The following POFUT3 variants were observed in gnomAD, a reference collection of about 807,000 sequenced individuals.
POFUT3 encodes the protein GDP-fucose protein O-fucosyltransferase 3.
At chr8:33,328,195 G>A in the POFUT3 span, among the ~76,000 whole-genome samples, 1 of 152,226 alleles carries the variant, frequency 6.6e-6, no homozygotes, top group South Asian at 2.1e-4. Flanking sequence ...TGTCCGAGGA[G>A]GGGTGACTCC....
the POFUT3 span, among the ~76,000 whole-genome samples, chr8:33,424,817 G>A: frequency 0.068 from 10,274 of 152,114 alleles, 505 homozygotes; most frequent in East Asian, 0.16. Flanking sequence ...TCGCCAAATG[G>A]AACAGGCCAC....
the POFUT3 span, among the ~76,000 whole-genome samples, chr8:33,415,376 C>T: frequency 6.6e-6 from 1 of 152,078 alleles, no homozygotes; most frequent in African/African-American, 2.4e-5. Context: ...GCTGGTGGAC[C>T]CAGTGGAGAA....
At chr8:33,319,401 A>AT in the POFUT3 span, among the ~76,000 whole-genome samples, 1 of 33,672 alleles carries the variant, frequency 3.0e-5, no homozygotes, top group African/African-American at 1.6e-4. Flanking sequence ...TTTTATATAT[A>AT]GTATATATTA....
At chr8:33,439,516 T>G in the POFUT3 span, among the ~76,000 whole-genome samples, 1 of 152,086 alleles carries the variant, frequency 6.6e-6, no homozygotes, top group Non-Finnish European at 1.5e-5. Flanking sequence ...AAAATAAAAA[T>G]CAGATCATAT....
the POFUT3 span, among the ~76,000 whole-genome samples, chr8:33,442,631 CT>C: frequency 5.4e-5 from 8 of 148,026 alleles, no homozygotes; most frequent in Non-Finnish European, 6.0e-5. Context: ...TTTTCAGCCA[CT>C]TTTTTTTTTT....
chr8:33,375,453 C>A, the POFUT3 span, among the ~76,000 whole-genome samples: 4 of 152,236 alleles, frequency 2.6e-5, no homozygotes, highest in East Asian at 7.7e-4. Flanking sequence ...GGAGAGATCC[C>A]TTCCATAAGA....
the POFUT3 span, among the ~76,000 whole-genome samples, chr8:33,407,007 T>C: frequency 1.3e-5 from 2 of 152,216 alleles, no homozygotes; most frequent in African/African-American, 2.4e-5. Flanking sequence ...CCTTGTATAA[T>C]ATGTAAAAGT....
At chr8:33,429,498 T>A in the POFUT3 span, among the ~76,000 whole-genome samples, 3 of 152,242 alleles carry the variant, frequency 2.0e-5, no homozygotes, top group Non-Finnish European at 1.5e-5. Flanking sequence ...AATAATACAG[T>A]ATAAAATAGA....
At chr8:33,458,532 T>A in the POFUT3 span, among the ~76,000 whole-genome samples, 1 of 151,934 alleles carries the variant, frequency 6.6e-6, no homozygotes, top group Admixed American at 6.6e-5. Context: ...CTGGCCAACA[T>A]GGTAAAACCC....
At chr8:33,327,892 T>C in the POFUT3 span, among the ~76,000 whole-genome samples, 3 of 152,284 alleles carry the variant, frequency 2.0e-5, no homozygotes, top group African/African-American at 7.2e-5. Context: ...CTTTAATTCA[T>C]TTCAGGCTGA....
At chr8:33,342,353 TC>T in the POFUT3 span, among the ~76,000 whole-genome samples, 696 of 150,344 alleles carry the variant, frequency 4.6e-3, 4 homozygotes, top group Non-Finnish European at 5.5e-3. Flanking sequence ...CAAGACCCTG[TC>T]CCCCCACAAA....
the POFUT3 span, chr8:33,473,139 G>C: frequency 6.6e-6 from 1 of 152,208 alleles, no homozygotes; most frequent in Non-Finnish European, 1.5e-5. Context: ...CCTGGGCGCC[G>C]GGAAGACCCG....
At chr8:33,445,118 G>A in the POFUT3 span, among the ~76,000 whole-genome samples, 4 of 151,800 alleles carry the variant, frequency 2.6e-5, no homozygotes, top group African/African-American at 7.3e-5. Context: ...ATTTTCTGTA[G>A]AGCCCGGGTT....
the POFUT3 span, among the ~76,000 whole-genome samples, chr8:33,397,903 C>G: frequency 6.6e-6 from 1 of 152,140 alleles, no homozygotes; most frequent in Non-Finnish European, 1.5e-5. Flanking sequence ...ATTACTAACT[C>G]AGAGAAGCAT....
At chr8:33,413,623 T>G in the POFUT3 span, among the ~76,000 whole-genome samples, 1 of 152,164 alleles carries the variant, frequency 6.6e-6, no homozygotes, top group Non-Finnish European at 1.5e-5. Flanking sequence ...TCTCTTCTCC[T>G]CCTCTGCCAT....
At chr8:33,454,213 A>C in the POFUT3 span, among the ~76,000 whole-genome samples, 8 of 152,204 alleles carry the variant, frequency 5.3e-5, no homozygotes, top group African/African-American at 1.9e-4. Flanking sequence ...CACTGGGCTA[A>C]GACCCAGGGG....
the POFUT3 span, among the ~76,000 whole-genome samples, chr8:33,429,627 G>A: frequency 5.3e-5 from 8 of 152,070 alleles, no homozygotes; most frequent in South Asian, 2.1e-4. Flanking sequence ...ACAAAAAGCC[G>A]AGGAAGAAAA....
At chr8:33,442,381 G>A in the POFUT3 span, among the ~76,000 whole-genome samples, 82 of 151,496 alleles carry the variant, frequency 5.4e-4, no homozygotes, top group Middle Eastern at 3.4e-3. Context: ...TCCAGCTCCC[G>A]GGTTCACACC....
At chr8:33,349,116 G>A in the POFUT3 span, among the ~76,000 whole-genome samples, 1 of 152,200 alleles carries the variant, frequency 6.6e-6, no homozygotes, top group Non-Finnish European at 1.5e-5. Flanking sequence ...ATGGAAAGGA[G>A]TAGTTCCGTG....
Sources: gnomAD v4.1 joint callset for allele counts (sites outside exome capture counted in the v4.1 genomes callset) on GRCh38, gnomAD v4.1.1 for gene constraint, MANE v1.5 for transcripts, NCBI Gene and HGNC (gene_info 2026-07-23, HGNC 2026-07-21) for gene names.